The following R3HDM2 variants were observed in gnomAD, a reference collection of about 807,000 sequenced individuals.
R3HDM2 encodes R3H domain containing 2, also known as R3H domain-containing protein 2.
R3HDM2 carries 38 observed loss-of-function variants against 124.5 expected under a neutral mutation model. The ratio of observed to expected loss-of-function variants is 0.31; its 90% CI spans 0.24 to 0.40. The LOEUF (loss-of-function observed/expected upper bound fraction) is 0.40. Ranked by LOEUF, R3HDM2 falls within the 10% of genes least tolerant of loss-of-function variation. R3HDM2 has a pLI of 1.00. For missense variants in R3HDM2, 869 were observed against 1,236.9 expected, an observed-to-expected ratio of 0.70 and a Z score of 4.46; for synonymous variants, 391 against 448.0, an observed-to-expected ratio of 0.87 and a Z score of 1.61.
intron 14 of R3HDM2, among the ~76,000 whole-genome samples, chr12:57,272,176 G>T (rs1465224040): frequency 6.6e-6 from 1 of 152,192 alleles, no homozygotes; most frequent in African/African-American, 2.4e-5. Context: ...GAGATGAGGA[G>T]CCTAGGTTAT....
At chr12:57,417,048 G>GCGGA (rs2069694413) in intron 1 of R3HDM2, among the ~76,000 whole-genome samples, 1 of 151,616 alleles carries the variant, frequency 6.6e-6, no homozygotes, top group Non-Finnish European at 1.5e-5. Flanking sequence ...AACCCAGGAG[G>GCGGA]CGGAGGTTGC....
chr12:57,324,459 A>T (rs972483818), intron 2 of R3HDM2, among the ~76,000 whole-genome samples: 6 of 152,240 alleles, frequency 3.9e-5, no homozygotes, highest in Non-Finnish European at 7.3e-5. Context: ...CTGGGATTAC[A>T]GGCGTAAGCC....
intron 19 of R3HDM2, among the ~76,000 whole-genome samples, chr12:57,264,395 A>T (rs2041772092): frequency 1.1e-4 from 1 of 9,208 alleles, no homozygotes; most frequent in East Asian, 2.7e-3. Flanking sequence ...GCCTCTACTA[A>T]AAAAAAAAAA....
intron 19 of R3HDM2, among the ~76,000 whole-genome samples, chr12:57,265,913 C>T (rs571720157): frequency 6.6e-6 from 1 of 151,700 alleles, no homozygotes; most frequent in African/African-American, 2.4e-5. Context: ...TCTTGTGCCT[C>T]AGCCTCCCAA....
At chr12:57,351,929 CAAA>C (rs1317293074) in intron 2 of R3HDM2, among the ~76,000 whole-genome samples, 1 of 151,980 alleles carries the variant, frequency 6.6e-6, no homozygotes, top group Non-Finnish European at 1.5e-5. Context: ...ACATAAAAAA[CAAA>C]GAAGGTGTAA....
intron 12 of R3HDM2, among the ~76,000 whole-genome samples, chr12:57,288,080 C>A (rs937878439): frequency 1.4e-5 from 2 of 146,980 alleles, no homozygotes; most frequent in African/African-American, 5.1e-5. Flanking sequence ...AGTGCAGTGG[C>A]GTGATCTCAG....
chr12:57,369,557 G>A (rs2063071075), intron 2 of R3HDM2, among the ~76,000 whole-genome samples: 1 of 152,134 alleles, frequency 6.6e-6, no homozygotes, highest in African/African-American at 2.4e-5. Context: ...TGTAGTTTGT[G>A]TCATTTTAGT....
rs928233074 is a variant in R3HDM2 at position 57,299,374 on chromosome 12, G to T, written c.399C>A (p.Ile133=). 1.9e-6 allele frequency: 3 copies of T among 1,549,488 alleles called. No homozygotes were observed. Among genetic ancestry groups the T allele is most frequent in the African/African-American group, 2.7e-5 (2 of 72,960 alleles). Residue 133 remains isoleucine, a synonymous_variant, in exon 6 of 24, where the codon ATC becomes ATA. Coordinates refer to ENST00000402412, the MANE Select transcript of R3HDM2 (RefSeq NM_001394031.1). The part of the protein sequence containing the change: ...KEDKDKNKEK[I]PRKMLSRDSS... ...TACCTCTGGACAGCATCTTCCTTGGGATCTTTTCTTTGTTTTTGTCCTTGT... is the reference window on the plus strand; with the variant it reads ...TACCTCTGGACAGCATCTTCCTTGGTATCTTTTCTTTGTTTTTGTCCTTGT...
intron 2 of R3HDM2, among the ~76,000 whole-genome samples, chr12:57,345,924 C>T (rs929804173): frequency 1.3e-5 from 2 of 152,168 alleles, no homozygotes; most frequent in African/African-American, 4.8e-5. Flanking sequence ...CTTTGGTAGG[C>T]CAAGGCAGGC....
intron 1 of R3HDM2, among the ~76,000 whole-genome samples, chr12:57,409,764 A>G (rs1044930340): frequency 1.3e-5 from 2 of 152,146 alleles, no homozygotes; most frequent in African/African-American, 4.8e-5. Flanking sequence ...ATGAATAGAA[A>G]TAAGCTAAAG....
chr12:57,425,221 G>T (rs10876982), intron 1 of R3HDM2, among the ~76,000 whole-genome samples: 1 of 150,918 alleles, frequency 6.6e-6, no homozygotes, highest in Non-Finnish European at 1.5e-5. Context: ...GCGGTGAGCC[G>T]AGATCGTGCC....
Position 57,298,077 on chromosome 12 carries a change from A to ATC in R3HDM2, c.500+11_500+12dup. On this transcript the variant is annotated intron_variant, in intron 7 of 23. Transcript: ENST00000402412. The stretch of plus-strand genomic sequence containing the variant: ...CCTAACCCCTTTTCCTCTTATACCC[A>ATC]TCATGTTATTACCTTGGGTTCTTTT... 3.2e-6 allele frequency: 5 copies of ATC among 1,539,056 alleles called. No individual in the cohort carries two copies. Among genetic ancestry groups the ATC allele is most frequent in the Non-Finnish European group, 4.4e-6 (5 of 1,135,912 alleles).
intron 13 of R3HDM2, among the ~76,000 whole-genome samples, chr12:57,280,918 C>G (rs2045954405): frequency 9.5e-6 from 1 of 105,238 alleles, no homozygotes; most frequent in African/African-American, 3.5e-5. Flanking sequence ...CTTAAGAGAT[C>G]CGTCCTTTTG....
chr12:57,425,584 G>C (rs1175480367), intron 1 of R3HDM2, among the ~76,000 whole-genome samples: 2 of 152,058 alleles, frequency 1.3e-5, no homozygotes, highest in Non-Finnish European at 2.9e-5. Context: ...CGAATCACCT[G>C]AGGTCAGGAG....
intron 5 of R3HDM2, 130 bp from the exon 6 acceptor site, chr12:57,299,608 A>G: frequency 9.9e-7 from 1 of 1,006,476 alleles, no homozygotes; most frequent in Non-Finnish European, 1.4e-6. Context: ...TTTGCTAATT[A>G]AACTGTTTTA....
intron 2 of R3HDM2, among the ~76,000 whole-genome samples, chr12:57,390,100 A>G (rs2066433781): frequency 6.6e-6 from 1 of 151,956 alleles, no homozygotes; most frequent in Non-Finnish European, 1.5e-5. Flanking sequence ...AAAACTTTAC[A>G]GGTTGGGGGA....
chr12:57,258,310 T>A (rs1010309697), intron 20 of R3HDM2, among the ~76,000 whole-genome samples, 173 bp from the exon 21 acceptor site: 2 of 145,016 alleles, frequency 1.4e-5, no homozygotes, highest in African/African-American at 5.1e-5. Flanking sequence ...ATTTATGCTA[T>A]TTTATTTATT....
intron 2 of R3HDM2, among the ~76,000 whole-genome samples, chr12:57,388,773 C>T (rs2066253067): frequency 1.3e-5 from 2 of 151,690 alleles, no homozygotes; most frequent in South Asian, 4.2e-4. Context: ...ATGGAAGAGG[C>T]TTCCATATGG....
At chr12:57,347,208 C>T (rs1003897265) in intron 2 of R3HDM2, among the ~76,000 whole-genome samples, 7 of 151,594 alleles carry the variant, frequency 4.6e-5, no homozygotes, top group African/African-American at 1.7e-4. Flanking sequence ...TCTGTGCCAC[C>T]GCACTCCAGC....
Sources: gnomAD v4.1 joint callset for allele counts (sites outside exome capture counted in the v4.1 genomes callset) on GRCh38, gnomAD v4.1.1 for gene constraint, MANE v1.5 for transcripts, NCBI Gene and HGNC (gene_info 2026-07-23, HGNC 2026-07-21) for gene names.